The following EAF1 variants were observed in gnomAD, a reference collection of about 807,000 sequenced individuals.
EAF1 encodes ELL associated factor 1, also known as ELL-associated factor 1.
A neutral mutation model predicts 26.6 loss-of-function variants in EAF1; 19 were observed. The observed-to-expected ratio is 0.71, with a 90% CI of 0.50 to 1.05. The LOEUF is 1.05. Ranked by LOEUF, EAF1 falls within the 50% of genes least tolerant of loss-of-function variation. The pLI is 0.00. For missense variants in EAF1, 260 were observed against 335.5 expected (o/e 0.78, Z 1.76); for synonymous variants, 102 against 120.6 (o/e 0.85, Z 1.01).
intron 2 of EAF1, among the ~76,000 whole-genome samples, chr3:15,431,163 A>G (rs919663560): frequency 3.9e-5 from 6 of 151,972 alleles, no homozygotes; most frequent in Non-Finnish European, 8.9e-5. Context: ...TTCAACAAAT[A>G]TTAATCAAAT....
chr3:15,430,069 A>G, intron 2 of EAF1, 62 bp downstream of exon 2: 2 of 1,210,364 alleles, frequency 1.7e-6, no homozygotes, highest in Non-Finnish European at 2.3e-6. Context: ...CTTTTATATT[A>G]TTGCAATTTA....
intron 4 of EAF1, among the ~76,000 whole-genome samples, chr3:15,435,534 A>G (rs185609123): frequency 2.2e-3 from 332 of 152,052 alleles, no homozygotes; most frequent in Non-Finnish European, 4.0e-3. Flanking sequence ...CTTAGGTTGA[A>G]TAGGAATCAG....
At chr3:15,437,076 A>G (rs1310164225) in intron 5 of EAF1, among the ~76,000 whole-genome samples, 1 of 152,128 alleles carries the variant, frequency 6.6e-6, no homozygotes, top group Non-Finnish European at 1.5e-5. Context: ...TTGTATTTTT[A>G]GTAGAGATGG....
chr3:15,433,711 CTTTA>C lies in EAF1; in HGVS notation c.336-632_336-629del, dbSNP rs139256739. Among the ~76,000 whole-genome samples, 1,164 of 152,284 alleles carry C rather than the reference CTTTA, an allele frequency of 7.6e-3. 22 individuals are homozygous for C. Among genetic ancestry groups the C allele is most frequent in the African/African-American group, 0.027 (1,115 of 41,550 alleles). On this transcript the variant is annotated intron_variant, in intron 3 of 5. Coordinates refer to ENST00000396842, the MANE Select transcript of EAF1 (RefSeq NM_033083.7). Reference sequence around the variant, plus strand: ...AAGCTGGGCAATATTTTAGGAGCTACTTTATTTAGGAACTCATGCACTCATGATT... The same window carrying C: ...AAGCTGGGCAATATTTTAGGAGCTACTTTAGGAACTCATGCACTCATGATT...
At chr3:15,434,021 G>A (rs2061819316) in intron 3 of EAF1, among the ~76,000 whole-genome samples, 1 of 152,134 alleles carries the variant, frequency 6.6e-6, no homozygotes, top group Non-Finnish European at 1.5e-5. Context: ...CATTGTTAAG[G>A]GATGCATGAA....
intron 3 of EAF1, among the ~76,000 whole-genome samples, chr3:15,432,718 T>A (rs1227286941): frequency 6.6e-6 from 1 of 152,140 alleles, no homozygotes; most frequent in African/African-American, 2.4e-5. Context: ...CAGTTAGAGT[T>A]TATTTGAAAA....
intron 3 of EAF1, among the ~76,000 whole-genome samples, chr3:15,432,903 A>T (rs566837782): frequency 6.6e-6 from 1 of 152,102 alleles, no homozygotes; most frequent in East Asian, 1.9e-4. Flanking sequence ...CAGTAATTAA[A>T]TTGTAAAGAT....
At chr3:15,432,988 T>C (rs2061811109) in intron 3 of EAF1, 1 of 151,890 alleles carries the variant, frequency 6.6e-6, no homozygotes, top group South Asian at 2.1e-4. Context: ...AAAATAAAAA[T>C]AGGTACCATT....
intron 4 of EAF1, among the ~76,000 whole-genome samples, chr3:15,434,885 CTA>C (rs1329114420): frequency 6.6e-6 from 1 of 152,150 alleles, no homozygotes; most frequent in East Asian, 1.9e-4. Context: ...GAGGTGAAAA[CTA>C]AGCGTAGGTG....
At position 15,434,224 on chromosome 3, in the gene EAF1, G is replaced by A. The variant is rs563214445; in HGVS notation, c.336-124G>A. 16 of 1,047,260 alleles carry A rather than the reference G, an allele frequency of 1.5e-5. No homozygotes were observed. The South Asian group carries it at 2.2e-4, about 15-fold the overall frequency. The allele number at this position is 1,047,260 out of a possible 1,614,324, so 64.9% of individuals were successfully genotyped here. ...TCACATGACAAAATTACAAGTATCA[G>A]TATTTTGAAGTGGTCTGGAAAGAAC... On this transcript the variant is annotated intron_variant, in intron 3 of 5. Transcript: ENST00000396842.
At chr3:15,438,111 G>A (rs187323567) in intron 5 of EAF1, among the ~76,000 whole-genome samples, 1 of 152,332 alleles carries the variant, frequency 6.6e-6, no homozygotes, top group African/African-American at 2.4e-5. Flanking sequence ...GGAACCCCGA[G>A]TCCTCAGAAT....
At chr3:15,430,620 G>A (rs2061797305) in intron 2 of EAF1, among the ~76,000 whole-genome samples, 1 of 152,144 alleles carries the variant, frequency 6.6e-6, no homozygotes, top group South Asian at 2.1e-4. Flanking sequence ...GTGCCCTGCT[G>A]ATTATATGGC....
chr3:15,429,537 T>C (rs2061789702), intron 1 of EAF1, among the ~76,000 whole-genome samples: 1 of 152,206 alleles, frequency 6.6e-6, no homozygotes, highest in South Asian at 2.1e-4. Context: ...TTATTATGGA[T>C]GATGAGACAA....
chr3:15,431,161 ATAT>A (rs774121687), intron 2 of EAF1, among the ~76,000 whole-genome samples: 146 of 152,356 alleles, frequency 9.6e-4, no homozygotes, highest in Non-Finnish European at 2.0e-3. Flanking sequence ...TATTCAACAA[ATAT>A]TAATCAAATG....
chr3:15,433,335 CTATT>C (rs1392135831), intron 3 of EAF1: 1 of 153,016 alleles, frequency 6.5e-6, no homozygotes, highest in Non-Finnish European at 1.5e-5. Context: ...TCCTGCCACT[CTATT>C]TATTTGTATT....
In EAF1 at chr3:15,442,208, GGT is replaced by G. The variant is rs3067737; in HGVS notation, c.*3080_*3081del. The G allele has an allele frequency of 2.9e-3, 435 of 147,532 alleles. 1 individual carries two copies. The highest frequency in any genetic ancestry group is 7.2e-3 in the African/African-American group (290 of 40,442). The allele number at this position is 147,532 out of a possible 1,614,324, so 9.1% of individuals were successfully genotyped here. On this transcript the variant is annotated 3_prime_UTR_variant, in exon 6 of 6. Transcript: ENST00000396842. ...CCTATTTGAGAGGCTGGTTCAGCAG[GGT>G]GTGTGTGTGTGTGTGTGTGTGTGTG...
intron 4 of EAF1, among the ~76,000 whole-genome samples, chr3:15,435,189 A>G (rs1279942955): frequency 2.6e-5 from 4 of 152,214 alleles, no homozygotes; most frequent in Non-Finnish European, 5.9e-5. Context: ...ACCAATAGAA[A>G]CAGATACTGG....
At chr3:15,434,127 A>C (rs2061820069) in intron 3 of EAF1, among the ~76,000 whole-genome samples, 1 of 152,178 alleles carries the variant, frequency 6.6e-6, no homozygotes, top group Non-Finnish European at 1.5e-5. Flanking sequence ...TAAATATTCT[A>C]TTCATGTCTG....
chr3:15,430,124 T>A, intron 2 of EAF1, 117 bp downstream of exon 2: 1 of 831,180 alleles, frequency 1.2e-6, no homozygotes, highest in Non-Finnish European at 1.8e-6. Flanking sequence ...AGTGGCAACT[T>A]AAGGAAAAAA....
Sources: gnomAD v4.1 joint callset for allele counts (sites outside exome capture counted in the v4.1 genomes callset) on GRCh38, gnomAD v4.1.1 for gene constraint, MANE v1.5 for transcripts, NCBI Gene and HGNC (gene_info 2026-07-23, HGNC 2026-07-21) for gene names.